The following UGT1A6 variants were observed in gnomAD, a reference collection of about 807,000 sequenced individuals.
UGT1A6 encodes the protein UDP-glucuronosyltransferase 1A6.
Under a neutral mutation model 44.4 loss-of-function variants are expected in UGT1A6, and 32 were observed. That is an observed-to-expected ratio of 0.72 (90% CI 0.54 to 0.97). The LOEUF (loss-of-function observed/expected upper bound fraction) is 0.97. UGT1A6 is among the 50% of genes least tolerant of loss of function. UGT1A6 has a pLI of 0.00. For missense variants in UGT1A6, 685 were observed against 661.9 expected (o/e 1.03, Z -0.38); for synonymous variants, 238 against 248.5 (o/e 0.96, Z 0.40).
chr2:233,744,623 G>A (rs1465647088), intron 1 of UGT1A6, among the ~76,000 whole-genome samples: 4 of 151,984 alleles, frequency 2.6e-5, no homozygotes, highest in Admixed American at 6.5e-5. Context: ...CTATAGAGAG[G>A]TGGATTCTCA....
At chr2:233,727,866 T>A (rs1246200452) in intron 1 of UGT1A6, among the ~76,000 whole-genome samples, 1 of 152,128 alleles carries the variant, frequency 6.6e-6, no homozygotes, top group Non-Finnish European at 1.5e-5. Flanking sequence ...AAGGGAAGCC[T>A]CAGCCTCACC....
In UGT1A6 at chr2:233,769,623, G is replaced by A. The variant is rs1699907575; in HGVS notation, c.1301+1184G>A. The A allele has an allele frequency of 6.2e-7, 1 of 1,612,212 alleles. No homozygotes were observed. Among genetic ancestry groups the A allele is most frequent in the Non-Finnish European group, 8.5e-7 (1 of 1,179,652 alleles). On this transcript the variant is annotated intron_variant, in intron 4 of 4. Transcript: ENST00000305139. This position sits in a 1 kb window ranked among gnomAD's most constrained non-coding sequence, Gnocchi z 4.4. Reference sequence around the variant, plus strand: ...ACGGGGACACACCAGCTTGAGCAAGGGACAACAGGGGAGGACTGATGACTG... The same window carrying A: ...ACGGGGACACACCAGCTTGAGCAAGAGACAACAGGGGAGGACTGATGACTG...
intron 1 of UGT1A6, 30 bp downstream of exon 1, chr2:233,693,895 T>C (rs1472184778): frequency 1.2e-6 from 2 of 1,613,784 alleles, no homozygotes; most frequent in South Asian, 2.2e-5. Flanking sequence ...TTGGACTGCC[T>C]TGTTTCTTCC....
In UGT1A6 at chr2:233,767,873, C is replaced by G. The variant is rs72551349; in HGVS notation, c.1018C>G (p.Arg340Gly). ...QTVLWRYTGT[R>G]PSNLANNTIL... is the part of the protein sequence containing the mutation. ...GGTCCTGTGGCGGTACACTGGAACC[C>G]GACCATCGAATCTTGCGAACAACAC... The change falls in exon 3 of 5, where the codon CGA becomes GGA. Residue 340 changes from arginine to glycine, a missense_variant. Arg to Gly is a moderately radical substitution (Grantham distance 125, BLOSUM62 -2). Coordinates refer to ENST00000305139, the MANE Select transcript of UGT1A6 (RefSeq NM_001072.4). 2 of 1,614,156 alleles carry G rather than the reference C, an allele frequency of 1.2e-6. No individual in the cohort carries two copies. The highest frequency in any genetic ancestry group is 1.7e-5 in the Admixed American group (1 of 60,012).
chr2:233,753,329 G>A (rs1695182951), intron 1 of UGT1A6: 1 of 152,070 alleles, frequency 6.6e-6, no homozygotes, highest in Non-Finnish European at 1.5e-5. Context: ...GGTGCCAGCT[G>A]ACTGCCATTT....
intron 1 of UGT1A6, among the ~76,000 whole-genome samples, chr2:233,725,323 G>A (rs1370271039): frequency 1.0e-5 from 1 of 97,652 alleles, no homozygotes; most frequent in East Asian, 3.5e-4. Flanking sequence ...GAGGCGCCTG[G>A]TCAACAATCT....
chr2:233,748,538 A>C (rs879259422), intron 1 of UGT1A6, among the ~76,000 whole-genome samples: 4 of 151,868 alleles, frequency 2.6e-5, no homozygotes, highest in Admixed American at 2.6e-4. Context: ...AGGTGACCAC[A>C]GGAGACCTAA....
intron 1 of UGT1A6, among the ~76,000 whole-genome samples, chr2:233,758,412 A>C (rs1428441093): frequency 6.6e-6 from 1 of 152,106 alleles, no homozygotes; most frequent in Non-Finnish European, 1.5e-5. Context: ...TACTGTCTAT[A>C]ATCTGCAAAT....
chr2:233,755,002 C>G, intron 1 of UGT1A6: 1 of 1,294,350 alleles, frequency 7.7e-7, no homozygotes, highest in Non-Finnish European at 1.0e-6. Context: ...AAGCTGAAGA[C>G]CTACTCGAAG....
chr2:233,724,345 C>T (rs2077230471), intron 1 of UGT1A6, among the ~76,000 whole-genome samples: 3 of 148,032 alleles, frequency 2.0e-5, no homozygotes, highest in East Asian at 2.1e-4. Flanking sequence ...GGCTGACCCC[C>T]CCCACCTCCC....
At position 233,768,350 on chromosome 2, in the gene UGT1A6, G is replaced by A; in HGVS notation, c.1212G>A (p.Glu404=). 1 of 1,614,182 alleles carries A rather than the reference G, an allele frequency of 6.2e-7. No individual in the cohort carries two copies. Among genetic ancestry groups the A allele is most frequent in the East Asian group, 2.2e-5 (1 of 44,880 alleles). Residue 404 remains glutamate, a synonymous_variant, in exon 4 of 5, where the codon GAG becomes GAA. Transcript: ENST00000305139. ...GDQMDNAKRM[E]TKGAGVTLNV... is the part of the protein sequence containing the mutation. ...AGATGGACAATGCAAAGCGCATGGA[G>A]ACTAAGGGAGCTGGAGTGACCCTGA... is the stretch of plus-strand genomic sequence containing the variant.
At chr2:233,746,951 C>A (rs1693515830) in intron 1 of UGT1A6, among the ~76,000 whole-genome samples, 1 of 151,748 alleles carries the variant, frequency 6.6e-6, no homozygotes, top group Admixed American at 6.5e-5. Context: ...GAAACAAGAG[C>A]TTGAACTTGG....
At chr2:233,708,017 T>C (rs1188075129) in intron 1 of UGT1A6, among the ~76,000 whole-genome samples, 1 of 152,118 alleles carries the variant, frequency 6.6e-6, no homozygotes, top group Non-Finnish European at 1.5e-5. Flanking sequence ...TTCTGGATAC[T>C]AGTTCTTTGG....
intron 1 of UGT1A6, among the ~76,000 whole-genome samples, chr2:233,701,633 T>G (rs926764680): frequency 3.9e-5 from 6 of 152,216 alleles, no homozygotes; most frequent in Non-Finnish European, 5.9e-5. Context: ...ACAGAAATTA[T>G]AGCAAACTGT....
chr2:233,692,052 T>G (rs1388917886), upstream of UGT1A6: 1 of 152,078 alleles, frequency 6.6e-6, no homozygotes, highest in Non-Finnish European at 1.5e-5. Flanking sequence ...ACCCTTGCGA[T>G]TAGAGGGAAG....
At chr2:233,771,960 T>A (rs1700422086) in intron 4 of UGT1A6, among the ~76,000 whole-genome samples, 1 of 152,076 alleles carries the variant, frequency 6.6e-6, no homozygotes, top group Non-Finnish European at 1.5e-5. Flanking sequence ...ACAAAAAATT[T>A]AAAAATTGGC....
chr2:233,750,975 G>A (rs1468208410), intron 1 of UGT1A6, among the ~76,000 whole-genome samples: 2 of 151,842 alleles, frequency 1.3e-5, no homozygotes, highest in African/African-American at 2.4e-5. Flanking sequence ...GCCTAGTGGA[G>A]TTGTGAGAAG....
At chr2:233,757,303 G>A (rs1346705101) in intron 1 of UGT1A6, among the ~76,000 whole-genome samples, 3 of 111,204 alleles carry the variant, frequency 2.7e-5, no homozygotes, top group African/African-American at 6.7e-5. Flanking sequence ...GGGGTTGGGG[G>A]ACAGGGGGGC....
intron 1 of UGT1A6, among the ~76,000 whole-genome samples, chr2:233,753,993 T>C (rs970764565): frequency 1.4e-4 from 22 of 152,184 alleles, no homozygotes; most frequent in Admixed American, 1.4e-3. Context: ...GCCACCAAGT[T>C]TGGGTAATTT....
Sources: allele counts gnomAD v4.1 joint callset (sites outside exome capture counted in the v4.1 genomes callset), GRCh38; gene constraint gnomAD v4.1.1; non-coding constraint Gnocchi (gnomAD v3.1); transcripts MANE v1.5; gene names NCBI Gene and HGNC (gene_info 2026-07-23, HGNC 2026-07-21).